The following RNF180 variants were observed in gnomAD, a reference collection of about 807,000 sequenced individuals.
RNF180 encodes ring finger protein 180.
RNF180 carries 38 observed loss-of-function variants against 59.2 expected under a neutral mutation model. The observed-to-expected ratio is 0.64, with a 90% CI of 0.50 to 0.84. The LOEUF (loss-of-function observed/expected upper bound fraction) is 0.84, where lower values mean the gene tolerates loss of function less well. Among genes scored for constraint, RNF180 ranks in the 40% least tolerant of loss-of-function variants. RNF180 has a pLI of 0.00. For synonymous variants in RNF180, 262 were observed against 240.3 expected, an observed-to-expected ratio of 1.09 and a Z score of -0.84; for missense variants, 705 against 700.9, an observed-to-expected ratio of 1.01 and a Z score of -0.07.
intron 5 of RNF180, among the ~76,000 whole-genome samples, chr5:64,231,064 G>A (rs1007487502): frequency 6.6e-6 from 1 of 152,170 alleles, no homozygotes; most frequent in Non-Finnish European, 1.5e-5. Flanking sequence ...GTTTGAAAAG[G>A]TTCAGTGGGC....
rs564759158 is a variant in RNF180 at position 64,256,194 on chromosome 5, C to T, written c.1227+38798C>T. Among the ~76,000 whole-genome samples, 9 of 152,210 alleles carry T rather than the reference C, an allele frequency of 5.9e-5. No homozygotes were observed. In the South Asian group the frequency reaches 1.9e-3, roughly 32 times the overall value. Reference sequence around the variant, plus strand: ...TAGTTTCTTTTGCTGTGCAGAAGCTCCTTAGTTTAATTAGATCCCATTTGT... The same window carrying T: ...TAGTTTCTTTTGCTGTGCAGAAGCTTCTTAGTTTAATTAGATCCCATTTGT... On this transcript the variant is annotated intron_variant, in intron 5 of 7. Transcript: ENST00000389100.
At chr5:64,286,222 G>A (rs1742275796) in intron 5 of RNF180, among the ~76,000 whole-genome samples, 1 of 152,184 alleles carries the variant, frequency 6.6e-6, no homozygotes, top group Non-Finnish European at 1.5e-5. Flanking sequence ...TAACAAGTAT[G>A]TATTTAAGGA....
chr5:64,210,578 A>AGATAGAATGTGACTTAAAGTTTTC (rs1752263289), intron 2 of RNF180, among the ~76,000 whole-genome samples: 1 of 152,096 alleles, frequency 6.6e-6, no homozygotes, highest in South Asian at 2.1e-4. Flanking sequence ...TGAACAGTGG[A>AGATAGAATGTGACTTAAAGTTTTC]GATAGAATGT....
chr5:64,202,528 G>C (rs952543456), intron 2 of RNF180, among the ~76,000 whole-genome samples: 6 of 152,028 alleles, frequency 3.9e-5, no homozygotes, highest in African/African-American at 1.5e-4. Context: ...GGGTCATGGG[G>C]GTAGGTATAG....
intron 5 of RNF180, among the ~76,000 whole-genome samples, chr5:64,271,549 T>C (rs1235158515): frequency 6.6e-6 from 1 of 152,026 alleles, no homozygotes; most frequent in Non-Finnish European, 1.5e-5. Flanking sequence ...ACTATCTAAG[T>C]TTGTGTAAGA....
At chr5:64,253,338 T>C (rs534861353) in intron 5 of RNF180, among the ~76,000 whole-genome samples, 1 of 152,078 alleles carries the variant, frequency 6.6e-6, no homozygotes, top group East Asian at 1.9e-4. Flanking sequence ...TTTCAATTTC[T>C]ATGAATTTTT....
intron 5 of RNF180, among the ~76,000 whole-genome samples, chr5:64,283,698 T>C (rs1183345919): frequency 2.6e-5 from 4 of 152,170 alleles, no homozygotes; most frequent in Non-Finnish European, 5.9e-5. Flanking sequence ...GTGATGAAGG[T>C]GCCTTGCTTC....
At chr5:64,243,691 C>T (rs1742968387) in intron 5 of RNF180, among the ~76,000 whole-genome samples, 1 of 152,288 alleles carries the variant, frequency 6.6e-6, no homozygotes, top group East Asian at 1.9e-4. Flanking sequence ...TTCCTGCCTG[C>T]CAGCTCTGAA....
rs183090586 is a variant in RNF180, at chr5:64,180,750, C to T, written c.-1+14797C>T. Reference sequence around the variant, plus strand: ...AATTCCTTCATAGAACTTCTACCAACGGCAAAATGGAAAGACATCCCTTTT... The same window carrying T: ...AATTCCTTCATAGAACTTCTACCAATGGCAAAATGGAAAGACATCCCTTTT... On this transcript the variant is annotated intron_variant, in intron 1 of 7. Coordinates refer to ENST00000389100, the MANE Select transcript of RNF180 (RefSeq NM_001113561.2). Among the ~76,000 whole-genome samples, 267 of 152,272 alleles carry T rather than the reference C, an allele frequency of 1.8e-3. 2 individuals carry two copies. The highest frequency in any genetic ancestry group is 5.4e-3 in the African/African-American group (226 of 41,550).
At chr5:64,211,705 A>G (rs956998535) in intron 2 of RNF180, among the ~76,000 whole-genome samples, 3 of 152,144 alleles carry the variant, frequency 2.0e-5, no homozygotes, top group African/African-American at 7.2e-5. Context: ...ATTCAGATAG[A>G]ATAGAGATTT....
chr5:64,246,298 AC>A (rs1421391023), intron 5 of RNF180, among the ~76,000 whole-genome samples: 1 of 152,118 alleles, frequency 6.6e-6, no homozygotes, highest in Admixed American at 6.5e-5. Context: ...GACACGAAAA[AC>A]CCTTCAAGAA....
At chr5:64,297,312 T>C (rs1742932457) in intron 5 of RNF180, among the ~76,000 whole-genome samples, 2 of 152,038 alleles carry the variant, frequency 1.3e-5, no homozygotes, top group Non-Finnish European at 2.9e-5. Flanking sequence ...CTTACATTTT[T>C]CAGTGCTTTA....
At chr5:64,320,133 T>C (rs1744271157) in intron 5 of RNF180, among the ~76,000 whole-genome samples, 1 of 152,196 alleles carries the variant, frequency 6.6e-6, no homozygotes, top group Non-Finnish European at 1.5e-5. Context: ...CTCCAGCTGA[T>C]TTTGATAGGC....
At chr5:64,343,669 C>T (rs554864486) in intron 7 of RNF180, among the ~76,000 whole-genome samples, 72 of 151,798 alleles carry the variant, frequency 4.7e-4, no homozygotes, top group African/African-American at 1.6e-3. Flanking sequence ...TGAACAGGAA[C>T]ACCACAGGAC....
chr5:64,246,728 A>G (rs189286282), intron 5 of RNF180, among the ~76,000 whole-genome samples: 225 of 152,360 alleles, frequency 1.5e-3, no homozygotes, highest in Non-Finnish European at 2.6e-3. Flanking sequence ...TCCAAACAAT[A>G]GAAAAAGAGG....
At chr5:64,215,119 G>A (rs937795349) in intron 4 of RNF180, among the ~76,000 whole-genome samples, 2 of 152,130 alleles carry the variant, frequency 1.3e-5, no homozygotes, top group Non-Finnish European at 2.9e-5. Flanking sequence ...AGTACCCATA[G>A]TAATATGCTC....
At chr5:64,346,452 C>T (rs1016892279) in intron 7 of RNF180, among the ~76,000 whole-genome samples, 1 of 148,318 alleles carries the variant, frequency 6.7e-6, no homozygotes, top group South Asian at 2.2e-4. Context: ...TCACTGCAAC[C>T]TCCACCTCCC....
intron 2 of RNF180, among the ~76,000 whole-genome samples, chr5:64,205,235 G>A (rs1323888564): frequency 6.6e-6 from 1 of 152,070 alleles, no homozygotes; most frequent in African/African-American, 2.4e-5. Context: ...AGCTTGGTGT[G>A]GAATTTGAAT....
rs548623359 is a variant in RNF180, at chr5:64,290,810, T to C, written c.1228-34376T>C. Among the ~76,000 whole-genome samples the C allele has an allele frequency of 1.5e-3, 224 of 152,316 alleles. 1 individual carries two copies. Among genetic ancestry groups the C allele is most frequent in the African/African-American group, 5.1e-3 (212 of 41,578 alleles). On this transcript the variant is annotated intron_variant, in intron 5 of 7. Coordinates refer to ENST00000389100, the MANE Select transcript of RNF180 (RefSeq NM_001113561.2). Reference sequence around the variant, plus strand: ...GTTTCTTGAAGACAGCATACTGATATGTCTTCACTCTTTATCCAGCTTGCC... The same window carrying C: ...GTTTCTTGAAGACAGCATACTGATACGTCTTCACTCTTTATCCAGCTTGCC...
Sources: gnomAD v4.1 joint callset for allele counts (sites outside exome capture counted in the v4.1 genomes callset) on GRCh38, gnomAD v4.1.1 for gene constraint, MANE v1.5 for transcripts, NCBI Gene and HGNC (gene_info 2026-07-23, HGNC 2026-07-21) for gene names.